SULT4A1: variants seen among roughly 807,000 people sequenced by gnomAD.
The protein encoded by SULT4A1 is sulfotransferase 4A1.
A neutral mutation model predicts 35.2 loss-of-function variants in SULT4A1; 11 were observed. The ratio of observed to expected loss-of-function variants is 0.31; its 90% CI spans 0.20 to 0.52. The LOEUF is 0.52. SULT4A1 is among the 20% of genes least tolerant of loss of function. The pLI is 0.97. For missense variants in SULT4A1, 271 were observed against 383.7 expected, an observed-to-expected ratio of 0.71 and a Z score of 2.45; for synonymous variants, 152 against 151.8, an observed-to-expected ratio of 1.00 and a Z score of -0.01.
intron 1 of SULT4A1, among the ~76,000 whole-genome samples, chr22:43,859,748 G>A (rs944481373): frequency 3.3e-5 from 5 of 152,352 alleles, no homozygotes; most frequent in Admixed American, 6.5e-5. Flanking sequence ...CAGCTGTGAT[G>A]GGAACACTCC....
At chr22:43,854,550 C>A (rs927356988) in intron 1 of SULT4A1, among the ~76,000 whole-genome samples, 9 of 152,224 alleles carry the variant, frequency 5.9e-5, no homozygotes, top group African/African-American at 2.2e-4. Flanking sequence ...CACCTACACC[C>A]CTCAGCTGCC....
chr22:43,827,745 C>T (rs555604655), intron 6 of SULT4A1: 187 of 643,986 alleles, frequency 2.9e-4, no homozygotes, highest in African/African-American at 6.8e-4. Flanking sequence ...ATGTTCTCGA[C>T]GCTGCTTCAC....
intron 1 of SULT4A1, among the ~76,000 whole-genome samples, chr22:43,843,005 G>C (rs1161506882): frequency 1.8e-4 from 10 of 54,582 alleles, no homozygotes; most frequent in South Asian, 5.9e-4. Flanking sequence ...CTCTCTCTCT[G>C]ACCTTCTCCT....
Position 43,834,285 on chromosome 22 carries a change from G to A in SULT4A1, c.509-551C>T, listed in dbSNP as rs113361330. On this transcript the variant is annotated intron_variant, in intron 4 of 6. Coordinates refer to ENST00000330884, the MANE Select transcript of SULT4A1 (RefSeq NM_014351.4). ...GCCGGCACTCCCGCACCCACACCGC[G>A]GCCCTGTGCTTCCCGCGCCCCCACC... Among the ~76,000 whole-genome samples the A allele has an allele frequency of 5.8e-3, 872 of 150,514 alleles. 10 individuals carry two copies. Among genetic ancestry groups the A allele is most frequent in the African/African-American group, 0.021 (845 of 40,396 alleles).
At chr22:43,860,651 T>A (rs890603440) in intron 1 of SULT4A1, among the ~76,000 whole-genome samples, 3 of 151,760 alleles carry the variant, frequency 2.0e-5, no homozygotes, top group African/African-American at 4.8e-5. Flanking sequence ...TACAAATCCA[T>A]CCCCAGTAGC....
At chr22:43,826,854 G>GA (rs2063290184) in intron 6 of SULT4A1, 2 of 985,362 alleles carry the variant, frequency 2.0e-6, no homozygotes, top group East Asian at 1.1e-4. Flanking sequence ...ACAGCCCCCA[G>GA]CTGCTCTAGC....
intron 6 of SULT4A1, 133 bp downstream of exon 6, chr22:43,828,927 G>A: frequency 9.7e-7 from 1 of 1,032,604 alleles, no homozygotes; most frequent in East Asian, 2.8e-5. Context: ...ACAGGCCATG[G>A]GCCAGCTACA....
At chr22:43,852,516 G>A (rs2049352957) in intron 1 of SULT4A1, among the ~76,000 whole-genome samples, 1 of 152,036 alleles carries the variant, frequency 6.6e-6, no homozygotes, top group Non-Finnish European at 1.5e-5. Context: ...ATCAGGGCCA[G>A]GCAACAGCCC....
intron 1 of SULT4A1, among the ~76,000 whole-genome samples, chr22:43,857,436 C>A (rs2049415107): frequency 6.7e-6 from 1 of 149,340 alleles, no homozygotes; most frequent in African/African-American, 2.5e-5. Flanking sequence ...AATACAACAT[C>A]CAAGAGCTGG....
chr22:43,838,587 A>T (rs575410158), intron 4 of SULT4A1, among the ~76,000 whole-genome samples: 89 of 152,328 alleles, frequency 5.8e-4, no homozygotes, highest in African/African-American at 2.1e-3. Context: ...GGAAGGATGG[A>T]TGTTTTAACT....
chr22:43,825,115 C>G lies in SULT4A1; in HGVS notation c.*886G>C, dbSNP rs1286482594. On this transcript the variant is annotated 3_prime_UTR_variant, in exon 7 of 7. Transcript: ENST00000330884. The stretch of plus-strand genomic sequence containing the variant: ...AAGACCCGGGGATTTTAGAAATTTA[C>G]TATTAAGCATCTGCTTGCCAGCATT... The G allele has an allele frequency of 6.6e-6, 1 of 152,226 alleles. No homozygotes were observed. Among genetic ancestry groups the G allele is most frequent in the African/African-American group, 2.4e-5 (1 of 41,452 alleles). 9.4% of individuals were successfully genotyped at this position (152,226 alleles called of 1,614,324 possible).
intron 2 of SULT4A1, among the ~76,000 whole-genome samples, chr22:43,841,026 C>T (rs1438938183): frequency 6.6e-6 from 1 of 152,246 alleles, no homozygotes; most frequent in African/African-American, 2.4e-5. Context: ...AAGGCCGGGC[C>T]TGATGCTGTC....
intron 1 of SULT4A1, among the ~76,000 whole-genome samples, chr22:43,856,812 C>T (rs2049405998): frequency 6.6e-6 from 1 of 152,156 alleles, no homozygotes; most frequent in South Asian, 2.1e-4. Context: ...TAACTCAATT[C>T]CTTATACTAA....
chr22:43,852,322 C>A (rs541723032), intron 1 of SULT4A1, among the ~76,000 whole-genome samples: 3 of 151,124 alleles, frequency 2.0e-5, no homozygotes, highest in Non-Finnish European at 4.4e-5. Flanking sequence ...CACACACCAC[C>A]ACACCTGGCT....
chr22:43,840,989 G>A (rs2063422828), intron 2 of SULT4A1, among the ~76,000 whole-genome samples: 1 of 152,194 alleles, frequency 6.6e-6, no homozygotes, highest in East Asian at 1.9e-4. Flanking sequence ...CTGATCGCTG[G>A]CTAGCTACTA....
intron 1 of SULT4A1, among the ~76,000 whole-genome samples, chr22:43,842,395 C>G (rs1003428747): frequency 6.6e-6 from 1 of 152,198 alleles, no homozygotes; most frequent in African/African-American, 2.4e-5. Flanking sequence ...GGGAGACACC[C>G]AAGGGAAGCC....
chr22:43,846,100 A>G (rs1345634233), intron 1 of SULT4A1, among the ~76,000 whole-genome samples: 3 of 152,042 alleles, frequency 2.0e-5, no homozygotes, highest in African/African-American at 7.2e-5. Context: ...CAAGGCCTTC[A>G]CCATGTTCCA....
At chr22:43,860,416 G>T (rs1261227751) in intron 1 of SULT4A1, among the ~76,000 whole-genome samples, 2 of 151,376 alleles carry the variant, frequency 1.3e-5, no homozygotes, top group African/African-American at 4.8e-5. Context: ...CCTTTCCAGC[G>T]TGTGTCTGGA....
intron 1 of SULT4A1, among the ~76,000 whole-genome samples, chr22:43,848,919 G>A (rs149524404): frequency 6.6e-6 from 1 of 152,348 alleles, no homozygotes; most frequent in East Asian, 1.9e-4. Flanking sequence ...CGAGCCAAAC[G>A]CTCTCCAGCA....
Sources: gnomAD v4.1 joint callset for allele counts (sites outside exome capture counted in the v4.1 genomes callset) on GRCh38, gnomAD v4.1.1 for gene constraint, MANE v1.5 for transcripts, NCBI Gene and HGNC (gene_info 2026-07-23, HGNC 2026-07-21) for gene names.